Variants in RSPO4 observed in about 807,000 individuals in gnomAD.
RSPO4 encodes the protein R-spondin-4.
A neutral mutation model predicts 24.8 loss-of-function variants in RSPO4; 23 were observed. The observed-to-expected ratio is 0.93, with a 90% CI of 0.67 to 1.31. RSPO4 has a LOEUF of 1.31. RSPO4 is among the 40% of genes most tolerant of loss of function. The pLI is 0.00. For synonymous variants in RSPO4, 141 were observed against 127.4 expected (o/e 1.11, Z -0.72); for missense variants, 333 against 316.5 (o/e 1.05, Z -0.39).
chr20:1,000,215 A>T (rs2122285062), intron 1 of RSPO4, among the ~76,000 whole-genome samples: 1 of 152,282 alleles, frequency 6.6e-6, no homozygotes, highest in African/African-American at 2.4e-5. Flanking sequence ...CTGAGAAGGG[A>T]AGACCAGCAC....
chr20:985,888 T>C (rs528427491), intron 1 of RSPO4, among the ~76,000 whole-genome samples: 12 of 152,356 alleles, frequency 7.9e-5, no homozygotes, highest in South Asian at 2.1e-4. Context: ...CATCCCTTGA[T>C]TGAACTCACT....
intron 1 of RSPO4, among the ~76,000 whole-genome samples, chr20:985,391 G>T (rs1984888121): frequency 6.6e-6 from 1 of 152,010 alleles, no homozygotes; most frequent in Non-Finnish European, 1.5e-5. Context: ...TCATCTATGT[G>T]CCAGGATCCT....
At chr20:990,627 T>C (rs1985070442) in intron 1 of RSPO4, among the ~76,000 whole-genome samples, 1 of 151,946 alleles carries the variant, frequency 6.6e-6, no homozygotes, top group Admixed American at 6.6e-5. Flanking sequence ...GAGAATGAGA[T>C]GATCCACAAA....
intron 1 of RSPO4, among the ~76,000 whole-genome samples, chr20:969,232 C>T (rs1416616852): frequency 1.3e-5 from 2 of 152,256 alleles, no homozygotes; most frequent in African/African-American, 4.8e-5. Flanking sequence ...GGGAGGATCG[C>T]CTGAGCGGGG....
intron 1 of RSPO4, among the ~76,000 whole-genome samples, chr20:985,383 A>G (rs895170441): frequency 2.0e-5 from 3 of 152,212 alleles, no homozygotes; most frequent in Admixed American, 6.5e-5. Context: ...CTTGAATATC[A>G]TCTATGTGCC....
At chr20:960,523 G>A in intron 4 of RSPO4, 57 bp from the exon 5 acceptor site, 3 of 1,305,048 alleles carry the variant, frequency 2.3e-6, no homozygotes, top group Non-Finnish European at 3.2e-6. Flanking sequence ...TAGGTCCTGG[G>A]AGCCTCCTCA....
chr20:983,269 G>T (rs1314329107), intron 1 of RSPO4, among the ~76,000 whole-genome samples: 1 of 151,828 alleles, frequency 6.6e-6, no homozygotes, highest in Non-Finnish European at 1.5e-5. Context: ...GCTTCCAAGG[G>T]GTGGCAGAGA....
chr20:1,001,286 C>T (rs759527957), intron 1 of RSPO4, among the ~76,000 whole-genome samples: 3 of 152,188 alleles, frequency 2.0e-5, no homozygotes, highest in Admixed American at 6.5e-5. Flanking sequence ...CTTGCTCACC[C>T]GCTTACCCTT....
At chr20:996,177 T>G (rs1448507356) in intron 1 of RSPO4, among the ~76,000 whole-genome samples, 1 of 152,116 alleles carries the variant, frequency 6.6e-6, no homozygotes, top group East Asian at 1.9e-4. Context: ...AAAAAATGTT[T>G]GCTGACCCCA....
intron 1 of RSPO4, among the ~76,000 whole-genome samples, chr20:978,178 G>A (rs556313371): frequency 1.4e-3 from 208 of 152,318 alleles, no homozygotes; most frequent in African/African-American, 5.0e-3. Context: ...AGAATGTTGA[G>A]GTTGCCTTGG....
rs1207646258 is a variant in RSPO4 at position 967,938 on chromosome 20, G to A, written c.268+12C>T. 6.2e-7 allele frequency: 1 copy of A among 1,613,706 alleles called. No homozygotes were observed. The highest frequency in any genetic ancestry group is 2.2e-5 in the East Asian group (1 of 44,892). ...CCCAGCACTAGCATAGAACAAGGGAGAAGCCACGTACTTTTGCACCTGTTG... is the reference window on the plus strand; with the variant it reads ...CCCAGCACTAGCATAGAACAAGGGAAAAGCCACGTACTTTTGCACCTGTTG... On this transcript the variant is annotated intron_variant, in intron 2 of 4. Transcript: ENST00000217260.
chr20:971,249 A>G (rs1916556040), intron 1 of RSPO4, among the ~76,000 whole-genome samples: 1 of 152,252 alleles, frequency 6.6e-6, no homozygotes. Flanking sequence ...GTTAGAATAT[A>G]GGTCCCTGGG....
At position 986,294 on chromosome 20, in the gene RSPO4, G is replaced by A. The variant is rs1458320950; in HGVS notation, c.79+15792C>T. On this transcript the variant is annotated intron_variant, in intron 1 of 4. Transcript: ENST00000217260. ...CTGCTGCTCACTGGTGATGGCCCCA[G>A]AGTTTTCTAACACCGGGAATTGTGG... Among the ~76,000 whole-genome samples the A allele has an allele frequency of 4.6e-5, 7 of 152,308 alleles. No homozygotes were observed. In the East Asian group the frequency reaches 1.4e-3, roughly 29 times the overall value.
At chr20:966,230 G>A (rs911803633) in intron 3 of RSPO4, among the ~76,000 whole-genome samples, 1 of 151,636 alleles carries the variant, frequency 6.6e-6, no homozygotes, top group Non-Finnish European at 1.5e-5. Context: ...CAGTGTAGAT[G>A]AGAATGCCAA....
At chr20:978,103 G>A (rs185300596) in intron 1 of RSPO4, among the ~76,000 whole-genome samples, 212 of 152,278 alleles carry the variant, frequency 1.4e-3, no homozygotes, top group African/African-American at 5.0e-3. Flanking sequence ...GCTAGAGGTC[G>A]CTAGCCCACT....
chr20:968,821 G>T (rs1984316704), intron 1 of RSPO4, among the ~76,000 whole-genome samples: 1 of 152,190 alleles, frequency 6.6e-6, no homozygotes, highest in Non-Finnish European at 1.5e-5. Context: ...AGCAATGGGA[G>T]AAATTTTTTT....
At position 960,270 on chromosome 20, in the gene RSPO4, G is replaced by A; in HGVS notation, c.*87C>T. 1 of 818,176 alleles carries A rather than the reference G, an allele frequency of 1.2e-6. No individual in the cohort carries two copies. Among genetic ancestry groups the A allele is most frequent in the Non-Finnish European group, 2.0e-6 (1 of 492,880 alleles). 50.7% of individuals were successfully genotyped at this position (818,176 alleles called of 1,614,324 possible). A position where few individuals can be genotyped will look rare whatever the true frequency, so the allele number is the denominator to read the frequency against. On this transcript the variant is annotated 3_prime_UTR_variant, in exon 5 of 5. Coordinates refer to ENST00000217260, the MANE Select transcript of RSPO4 (RefSeq NM_001029871.4). ...GAGGACAAATGGAGAAGACAGAGGA[G>A]AAAGAGTAAGAGGAGAGGAGGAGAA... is the stretch of plus-strand genomic sequence containing the variant.
chr20:964,517 G>A (rs1384860356), intron 3 of RSPO4, among the ~76,000 whole-genome samples: 3 of 151,998 alleles, frequency 2.0e-5, no homozygotes, highest in South Asian at 2.1e-4. Flanking sequence ...GTCTCAGGAA[G>A]GCGGGGACAG....
At chr20:966,028 TGAAACCCAGAG>T (rs1401006220) in intron 3 of RSPO4, among the ~76,000 whole-genome samples, 1 of 152,152 alleles carries the variant, frequency 6.6e-6, no homozygotes, top group East Asian at 1.9e-4. Flanking sequence ...AGCTGGTTAT[TGAAACCCAGAG>T]GAAACCCAGA....
Sources: gnomAD v4.1 joint callset for allele counts (sites outside exome capture counted in the v4.1 genomes callset) on GRCh38, gnomAD v4.1.1 for gene constraint, MANE v1.5 for transcripts, NCBI Gene and HGNC (gene_info 2026-07-23, HGNC 2026-07-21) for gene names.